Variants in CD6 observed in about 807,000 individuals in gnomAD.
The protein encoded by CD6 is CD6 molecule, also known as T-cell differentiation antigen CD6.
Under a neutral mutation model 75.3 loss-of-function variants are expected in CD6, and 53 were observed. The observed-to-expected ratio is 0.70, with a 90% CI of 0.56 to 0.88. The LOEUF (loss-of-function observed/expected upper bound fraction) is 0.88. Ranked by LOEUF, CD6 falls within the 40% of genes least tolerant of loss-of-function variation. The pLI is 0.00. For synonymous variants in CD6, 359 were observed against 381.5 expected, an observed-to-expected ratio of 0.94 and a Z score of 0.69; for missense variants, 770 against 897.1, an observed-to-expected ratio of 0.86 and a Z score of 1.81.
At chr11:61,005,221 G>A (rs926182158) in intron 1 of CD6, among the ~76,000 whole-genome samples, 1 of 152,228 alleles carries the variant, frequency 6.6e-6, no homozygotes, top group African/African-American at 2.4e-5. Flanking sequence ...GCAGTAAGTA[G>A]AATCTAAGAG....
intron 5 of CD6, 114 bp from the exon 6 acceptor site, chr11:61,010,956 C>A: frequency 2.2e-6 from 2 of 924,382 alleles, no homozygotes; most frequent in Non-Finnish European, 3.5e-6. Context: ...CTGATGGGAG[C>A]ACAACCCTAG....
intron 1 of CD6, among the ~76,000 whole-genome samples, chr11:60,974,028 G>T (rs569086624): frequency 6.6e-6 from 1 of 152,294 alleles, no homozygotes; most frequent in East Asian, 1.9e-4. Context: ...AGAGGGCAAG[G>T]TTGACCCACA....
intron 1 of CD6, among the ~76,000 whole-genome samples, chr11:60,978,304 C>A (rs770712623): frequency 1.3e-5 from 2 of 152,068 alleles, no homozygotes; most frequent in South Asian, 2.1e-4. Context: ...ACACATGAGA[C>A]CCCCATTTCA....
intron 6 of CD6, 32 bp downstream of exon 6, chr11:61,011,167 A>G: frequency 2.4e-6 from 3 of 1,264,282 alleles, no homozygotes; most frequent in Non-Finnish European, 3.2e-6. Context: ...GCGGTTTCTC[A>G]GAAGCTTGGA....
chr11:61,009,718 A>T lies in CD6; in HGVS notation c.928A>T (p.Thr310Ser). 1 of 1,614,090 alleles carries T rather than the reference A, an allele frequency of 6.2e-7. No homozygotes were observed. Among genetic ancestry groups the T allele is most frequent in the Non-Finnish European group, 8.5e-7 (1 of 1,180,026 alleles). The change falls in exon 5 of 13, where the codon ACT (threonine) becomes TCT (serine). Residue 310 changes from threonine to serine, a missense_variant. Transcript: ENST00000313421. ...KVLCQSLGCGTAVERPKGLPH... is the reference protein window; with the variant it reads ...KVLCQSLGCGSAVERPKGLPH... ...GCTCTGCCAGTCCTTGGGCTGTGGAACTGCGGTTGAGAGGCCCAAGGGGCT... is the reference window on the plus strand; with the variant it reads ...GCTCTGCCAGTCCTTGGGCTGTGGATCTGCGGTTGAGAGGCCCAAGGGGCT...
At chr11:60,992,316 T>C (rs1858096398) in intron 1 of CD6, among the ~76,000 whole-genome samples, 1 of 149,464 alleles carries the variant, frequency 6.7e-6, no homozygotes, top group South Asian at 2.2e-4. Context: ...TGAACCACTG[T>C]GCCCAGCTTG....
chr11:60,974,131 G>A (rs1857284523), intron 1 of CD6, among the ~76,000 whole-genome samples: 2 of 152,200 alleles, frequency 1.3e-5, no homozygotes, highest in South Asian at 4.1e-4. Flanking sequence ...AAAAATGATG[G>A]CAAAGAGGGA....
chr11:61,005,931 CAA>C (rs11461659), intron 1 of CD6, among the ~76,000 whole-genome samples: 4 of 137,882 alleles, frequency 2.9e-5, no homozygotes, highest in Admixed American at 7.1e-5. Context: ...AACTCTGTCT[CAA>C]AAAAAAAAAA....
intron 11 of CD6, 131 bp downstream of exon 11, chr11:61,018,144 G>GGC: frequency 7.5e-7 from 1 of 1,325,646 alleles, no homozygotes. Flanking sequence ...TGTGCCCTTG[G>GGC]ACACATCTCC....
Position 61,019,952 on chromosome 11 carries a change from C to A in CD6, c.*634C>A. 1 of 394,876 alleles carries A rather than the reference C, an allele frequency of 2.5e-6. No homozygotes were observed. The highest frequency in any genetic ancestry group is 4.5e-6 in the Non-Finnish European group (1 of 224,250). 24.5% of individuals were successfully genotyped at this position (394,876 alleles called of 1,614,324 possible). A position where few individuals can be genotyped will look rare whatever the true frequency, so the allele number is the denominator to read the frequency against. ...TGACAGGTTGACTGTGTACCCCCAA[C>A]CAAGGAGCTGGGGCCCAAGGCCAGT... On this transcript the variant is annotated 3_prime_UTR_variant, in exon 13 of 13. Transcript: ENST00000313421.
intron 1 of CD6, among the ~76,000 whole-genome samples, chr11:60,997,896 A>C (rs1858382683): frequency 6.6e-6 from 1 of 152,204 alleles, no homozygotes; most frequent in Admixed American, 6.5e-5. Flanking sequence ...GCTGGTGGCT[A>C]TTGTACTGGA....
At chr11:60,984,452 G>C (rs956332905) in intron 1 of CD6, among the ~76,000 whole-genome samples, 1 of 152,110 alleles carries the variant, frequency 6.6e-6, no homozygotes. Flanking sequence ...ATTGGAGTCC[G>C]GGTCAGCACC....
At chr11:61,006,815 A>G (rs891248943) in intron 2 of CD6, among the ~76,000 whole-genome samples, 173 bp downstream of exon 2, 1 of 152,220 alleles carries the variant, frequency 6.6e-6, no homozygotes, top group African/African-American at 2.4e-5. Context: ...TTGAGGTCGT[A>G]GAACTACCAT....
In CD6 at chr11:61,017,886, G is replaced by A. The variant is rs1319082912; in HGVS notation, c.1710G>A (p.Glu570=). ...GTGAGTCGAGCACCTCTTCAGGGGA[G>A]GATTACTGCAATAGTCCCAAAAGCA... ...SNSESSTSSG[E]DYCNSPKSKL... Residue 570 remains glutamate, a synonymous_variant, in exon 11 of 13, where the codon GAG becomes GAA. Transcript: ENST00000313421. The A allele has an allele frequency of 1.9e-6, 3 of 1,614,108 alleles. No individual in the cohort carries two copies. Among genetic ancestry groups the A allele is most frequent in the Non-Finnish European group, 2.5e-6 (3 of 1,180,024 alleles).
chr11:61,006,953 G>T (rs937078939), intron 2 of CD6, among the ~76,000 whole-genome samples: 1 of 152,126 alleles, frequency 6.6e-6, no homozygotes, highest in African/African-American at 2.4e-5. Context: ...CTCAGCAGAC[G>T]TTTATTAAGG....
intron 1 of CD6, among the ~76,000 whole-genome samples, chr11:61,005,939 A>AG: frequency 6.6e-6 from 1 of 151,166 alleles, no homozygotes; most frequent in Non-Finnish European, 1.5e-5. Flanking sequence ...CTCAAAAAAA[A>AG]AAAAAGAAAG....
At chr11:60,990,107 A>T (rs1858002106) in intron 1 of CD6, among the ~76,000 whole-genome samples, 1 of 152,380 alleles carries the variant, frequency 6.6e-6, no homozygotes, top group Non-Finnish European at 1.5e-5. Context: ...TTAAAAATTT[A>T]TCAATAGCTA....
Position 61,019,945 on chromosome 11 carries a change from C to T in CD6, c.*627C>T. 1 of 393,364 alleles carries T rather than the reference C, an allele frequency of 2.5e-6. No individual in the cohort carries two copies. The highest frequency in any genetic ancestry group is 4.4e-5 in the Admixed American group (1 of 22,558). The allele number at this position is 393,364 out of a possible 1,614,324, so 24.4% of individuals were successfully genotyped here. On this transcript the variant is annotated 3_prime_UTR_variant, in exon 13 of 13. Coordinates refer to ENST00000313421, the MANE Select transcript of CD6 (RefSeq NM_006725.5). ...CTGACAATGACAGGTTGACTGTGTA[C>T]CCCCAACCAAGGAGCTGGGGCCCAA...
At chr11:61,011,023 G>T in intron 5 of CD6, 47 bp from the exon 6 acceptor site, 2 of 1,549,302 alleles carry the variant, frequency 1.3e-6, no homozygotes, top group Non-Finnish European at 1.8e-6. Flanking sequence ...GCACACAGTA[G>T]GTGCTCAGTA....
Sources: allele counts gnomAD v4.1 joint callset (sites outside exome capture counted in the v4.1 genomes callset), GRCh38; gene constraint gnomAD v4.1.1; transcripts MANE v1.5; gene names NCBI Gene and HGNC (gene_info 2026-07-23, HGNC 2026-07-21).